Variants in LSM6 observed in about 807,000 individuals in gnomAD.
The protein encoded by LSM6 is U6 snRNA-associated Sm-like protein LSm6.
Under a neutral mutation model 13.5 loss-of-function variants are expected in LSM6, and 2 were observed. The ratio of observed to expected loss-of-function variants is 0.15; its 90% CI spans 0.06 to 0.47. The LOEUF is 0.47. Ranked by LOEUF, LSM6 falls within the 20% of genes least tolerant of loss-of-function variation. The pLI is 0.97. For missense variants in LSM6, 58 were observed against 96.4 expected (o/e 0.60, Z 1.67); for synonymous variants, 43 against 34.9 (o/e 1.23, Z -0.82).
intron 2 of LSM6, among the ~76,000 whole-genome samples, chr4:146,184,550 G>A (rs1373496230): frequency 6.6e-6 from 1 of 152,176 alleles, no homozygotes; most frequent in Non-Finnish European, 1.5e-5. Context: ...TACTGAGGTA[G>A]TATAATGTCT....
Position 146,190,438 on chromosome 4 carries a change from ACAGT to A in LSM6, c.*786_*789del. 6.6e-6 allele frequency: 1 copy of A among 152,262 alleles called. No individual in the cohort carries two copies. Among genetic ancestry groups the A allele is most frequent in the Non-Finnish European group, 1.5e-5 (1 of 67,968 alleles). 9.4% of individuals were successfully genotyped at this position (152,262 alleles called of 1,614,324 possible). ...GAGGGGCCATTCCTGTACATCTCTC[ACAGT>A]CAGATTAAAGCAAAGCCTAGAGTTT... On this transcript the variant is annotated 3_prime_UTR_variant, in exon 4 of 4. Coordinates refer to ENST00000296581, the MANE Select transcript of LSM6 (RefSeq NM_007080.3).
Position 146,191,269 on chromosome 4 carries a change from A to G in LSM6, c.*1613A>G, listed in dbSNP as rs1387937854. On this transcript the variant is annotated 3_prime_UTR_variant, in exon 4 of 4. Transcript: ENST00000296581. ...TGTAGAATATGTGGGGCTGCAGGTTATTGTGTCCCTTCATTCACTTATATC... is the reference window on the plus strand; with the variant it reads ...TGTAGAATATGTGGGGCTGCAGGTTGTTGTGTCCCTTCATTCACTTATATC... 1.3e-5 allele frequency: 2 copies of G among 152,188 alleles called. No individual in the cohort carries two copies. Among genetic ancestry groups the G allele is most frequent in the Admixed American group, 6.5e-5 (1 of 15,280 alleles). 9.4% of individuals were successfully genotyped at this position (152,188 alleles called of 1,614,324 possible).
At chr4:146,176,142 C>G (rs369339106) in intron 1 of LSM6, 88 of 152,410 alleles carry the variant, frequency 5.8e-4, no homozygotes, top group African/African-American at 2.0e-3. Flanking sequence ...CGTCCGAGAT[C>G]AATTCAGGTT....
intron 2 of LSM6, among the ~76,000 whole-genome samples, chr4:146,185,976 A>G (rs1730340903): frequency 6.6e-6 from 1 of 152,122 alleles, no homozygotes; most frequent in South Asian, 2.1e-4. Context: ...ACCTCAAGTG[A>G]TCTGCCAGCT....
chr4:146,189,596 CAA>C, intron 3 of LSM6, 24 bp from the exon 4 acceptor site: 1 of 1,531,410 alleles, frequency 6.5e-7, no homozygotes, highest in South Asian at 1.2e-5. Flanking sequence ...TTTTAAATTT[CAA>C]TTTATGTATT....
chr4:146,180,554 T>A (rs1730210775), intron 1 of LSM6, among the ~76,000 whole-genome samples: 1 of 152,256 alleles, frequency 6.6e-6, no homozygotes, highest in African/African-American at 2.4e-5. Flanking sequence ...TTCTTTTTTC[T>A]GACAGTTATT....
At chr4:146,185,232 T>G (rs926887722) in intron 2 of LSM6, among the ~76,000 whole-genome samples, 7 of 152,188 alleles carry the variant, frequency 4.6e-5, no homozygotes. Flanking sequence ...GGTTTATCCT[T>G]CATGTTCTCA....
chr4:146,182,822 T>C lies in LSM6; in HGVS notation c.-10-90T>C, dbSNP rs1318341586. The C allele has an allele frequency of 2.8e-5, 21 of 757,386 alleles. No individual in the cohort carries two copies. In the East Asian group the frequency reaches 5.1e-4, roughly 18 times the overall value. The allele number at this position is 757,386 out of a possible 1,614,324, so 46.9% of individuals were successfully genotyped here. A position where few individuals can be genotyped will look rare whatever the true frequency, so the allele number is the denominator to read the frequency against. Reference sequence around the variant, plus strand: ...CGCATGGTCCTTTGATACTTCATTTTCTGTAAGTATGTTAAGGGCTTTAAG... The same window carrying C: ...CGCATGGTCCTTTGATACTTCATTTCCTGTAAGTATGTTAAGGGCTTTAAG... On this transcript the variant is annotated intron_variant, in intron 1 of 3. Transcript: ENST00000296581.
intron 1 of LSM6, among the ~76,000 whole-genome samples, chr4:146,178,071 A>T (rs1163196491): frequency 6.6e-6 from 1 of 152,214 alleles, no homozygotes; most frequent in East Asian, 1.9e-4. Flanking sequence ...AATAGAGATT[A>T]CTTGGTTAGT....
Position 146,183,902 on chromosome 4 carries a change from T to G in LSM6, c.94+887T>G, listed in dbSNP as rs1485947639. Among the ~76,000 whole-genome samples the G allele has an allele frequency of 3.4e-5, 5 of 145,272 alleles. No individual in the cohort carries two copies. In the East Asian group the frequency reaches 1.0e-3, roughly 30 times the overall value. ...TTTTTTTTTTTTTTGAGACGGAGTC[T>G]CGCTCTGTCACCCAGGCTGGAGTGC... is the stretch of plus-strand genomic sequence containing the variant. On this transcript the variant is annotated intron_variant, in intron 2 of 3. Coordinates refer to ENST00000296581, the MANE Select transcript of LSM6 (RefSeq NM_007080.3).
chr4:146,179,409 A>G (rs1578676495), intron 1 of LSM6, among the ~76,000 whole-genome samples: 1 of 152,370 alleles, frequency 6.6e-6, no homozygotes, highest in East Asian at 1.9e-4. Context: ...TTACTCATAC[A>G]AAATGGATTT....
intron 2 of LSM6, among the ~76,000 whole-genome samples, chr4:146,185,521 A>G (rs1351863339): frequency 6.6e-6 from 1 of 151,650 alleles, no homozygotes; most frequent in Non-Finnish European, 1.5e-5. Context: ...AAAAAAAAAA[A>G]AAAGAAAAAC....
chr4:146,189,480 C>CA, intron 3 of LSM6, 142 bp from the exon 4 acceptor site: 1 of 639,770 alleles, frequency 1.6e-6, no homozygotes, highest in Admixed American at 3.3e-5. Context: ...TACAGTACTT[C>CA]TAGAGTTAAT....
chr4:146,183,067 A>T, intron 2 of LSM6, 52 bp downstream of exon 2: 2 of 1,292,498 alleles, frequency 1.5e-6, no homozygotes, highest in Non-Finnish European at 2.3e-6. Context: ...AGTAAATGTG[A>T]CTTACTGATA....
At chr4:146,185,108 C>CTCT (rs752650267) in intron 2 of LSM6, among the ~76,000 whole-genome samples, 109 of 152,268 alleles carry the variant, frequency 7.2e-4, no homozygotes, top group Non-Finnish European at 9.9e-4. Flanking sequence ...CTATAAACAA[C>CTCT]TCTTCTACTT....
At position 146,191,418 on chromosome 4, in the gene LSM6, A is replaced by C. The variant is rs528608266; in HGVS notation, c.*1762A>C. Reference sequence around the variant, plus strand: ...TTTATTTTCCCCTTGCCATCTCTCTAGTTTAATAGCTCTACAGTGGAGTAC... The same window carrying C: ...TTTATTTTCCCCTTGCCATCTCTCTCGTTTAATAGCTCTACAGTGGAGTAC... On this transcript the variant is annotated 3_prime_UTR_variant, in exon 4 of 4. Transcript: ENST00000296581. 3.6e-4 allele frequency: 55 copies of C among 152,238 alleles called. No individual in the cohort carries two copies. Among genetic ancestry groups the C allele is most frequent in the African/African-American group, 1.3e-3 (52 of 41,528 alleles). The allele number at this position is 152,238 out of a possible 1,614,324, so 9.4% of individuals were successfully genotyped here.
intron 2 of LSM6, among the ~76,000 whole-genome samples, chr4:146,184,534 A>G (rs566164275): frequency 1.3e-5 from 2 of 152,278 alleles, no homozygotes; most frequent in South Asian, 2.1e-4. Context: ...ATGGATTCAT[A>G]CGGAATACTG....
At chr4:146,187,056 C>T (rs970802923) in intron 2 of LSM6, among the ~76,000 whole-genome samples, 8 of 152,120 alleles carry the variant, frequency 5.3e-5, no homozygotes, top group South Asian at 2.1e-4. Context: ...GTTGTTTTAC[C>T]GGGTAGTAGT....
chr4:146,180,065 G>A (rs1162950576), intron 1 of LSM6, among the ~76,000 whole-genome samples: 2 of 152,202 alleles, frequency 1.3e-5, no homozygotes, highest in African/African-American at 2.4e-5. Context: ...CACTTGTTCC[G>A]TGCCTTTTCT....
Sources: allele counts gnomAD v4.1 joint callset (sites outside exome capture counted in the v4.1 genomes callset), GRCh38; gene constraint gnomAD v4.1.1; transcripts MANE v1.5; gene names NCBI Gene and HGNC (gene_info 2026-07-23, HGNC 2026-07-21).